The following SNX18 variants were observed in gnomAD, a reference collection of about 807,000 sequenced individuals.
SNX18 encodes the protein sorting nexin-18.
In SNX18, 35 loss-of-function variants were observed where a neutral mutation model predicts 48.7. The ratio of observed to expected loss-of-function variants is 0.72; its 90% confidence interval spans 0.55 to 0.95. The LOEUF (loss-of-function observed/expected upper bound fraction) is 0.95, where lower values mean the gene tolerates loss of function less well. SNX18 is among the 40% of genes least tolerant of loss of function. The pLI, the probability that SNX18 is intolerant of heterozygous loss-of-function variation, is 0.00. For synonymous variants in SNX18, 492 were observed against 384.7 expected (o/e 1.28, Z -3.26); for missense variants, 824 against 871.0 (o/e 0.95, Z 0.68).
chr5:54,604,017 G>C, the SNX18 span, among the ~76,000 whole-genome samples: 1 of 152,164 alleles, frequency 6.6e-6, no homozygotes, highest in African/African-American at 2.4e-5. Context: ...AAAACTTTTT[G>C]AGTGTCCATT....
At chr5:54,567,678 T>C in the SNX18 span, among the ~76,000 whole-genome samples, 3 of 152,220 alleles carry the variant, frequency 2.0e-5, no homozygotes, top group South Asian at 6.2e-4. Context: ...AGCACCCAAG[T>C]GTCTGCTGAT....
At chr5:54,607,189 C>T in the SNX18 span, among the ~76,000 whole-genome samples, 5 of 152,080 alleles carry the variant, frequency 3.3e-5, no homozygotes, top group African/African-American at 1.2e-4. Context: ...CATTTTGCCC[C>T]ACATCTGGGC....
At chr5:54,638,847 C>T in the SNX18 span, among the ~76,000 whole-genome samples, 3 of 152,118 alleles carry the variant, frequency 2.0e-5, no homozygotes, top group African/African-American at 7.2e-5. Context: ...CTGGCCACAC[C>T]CCTCCAGGGC....
chr5:54,638,957 A>C, the SNX18 span, among the ~76,000 whole-genome samples: 1 of 152,226 alleles, frequency 6.6e-6, no homozygotes, highest in Non-Finnish European at 1.5e-5. Context: ...AATTCTGCTC[A>C]GACATAAGGT....
At chr5:54,577,584 C>T in the SNX18 span, among the ~76,000 whole-genome samples, 2 of 151,978 alleles carry the variant, frequency 1.3e-5, no homozygotes, top group South Asian at 4.1e-4. Context: ...TATGGCAGAG[C>T]GAGGATTAGT....
At chr5:54,640,150 C>T in the SNX18 span, among the ~76,000 whole-genome samples, 1 of 152,058 alleles carries the variant, frequency 6.6e-6, no homozygotes, top group African/African-American at 2.4e-5. Flanking sequence ...CAAATACCTC[C>T]TTAAGCTACA....
chr5:54,607,528 T>C, the SNX18 span, among the ~76,000 whole-genome samples: 1 of 152,256 alleles, frequency 6.6e-6, no homozygotes, highest in Non-Finnish European at 1.5e-5. Context: ...TGGATATTTA[T>C]CCAATTTGTT....
Position 54,543,214 on chromosome 5 carries a change from G to A in SNX18, c.1657G>A (p.Val553Met), listed in dbSNP as rs911455532. ...CAAAGTCAAGGAGAGTAGGCGACAC[G>A]TGGAGGAAGGGAAGATGGAGGTGCA... is the stretch of plus-strand genomic sequence containing the variant. The part of the protein sequence containing the change: ...LTKVKESRRH[V>M]EEGKMEVQKA... The change falls in exon 2 of 2, where the codon GTG becomes ATG. Residue 553 changes from valine (V) to methionine (M), a missense_variant. By Grantham distance (21) the Val-to-Met change is conservative (BLOSUM62 1). Coordinates refer to ENST00000381410, the MANE Select transcript of SNX18 (RefSeq NM_001102575.2). The A allele has an allele frequency of 5.6e-6, 9 of 1,613,960 alleles. No individual in the cohort carries two copies. Among genetic ancestry groups the A allele is most frequent in the African/African-American group, 4.0e-5 (3 of 74,886 alleles).
the SNX18 span, among the ~76,000 whole-genome samples, chr5:54,595,573 A>G: frequency 1.3e-5 from 2 of 152,134 alleles, no homozygotes; most frequent in South Asian, 2.1e-4. Context: ...ACTACTTTCC[A>G]CAGTGGCTAA....
At chr5:54,574,682 G>C in the SNX18 span, among the ~76,000 whole-genome samples, 1 of 152,104 alleles carries the variant, frequency 6.6e-6, no homozygotes, top group African/African-American at 2.4e-5. Context: ...GGAAAGGAAG[G>C]GGGTGTGAGA....
the SNX18 span, among the ~76,000 whole-genome samples, chr5:54,647,184 A>T: frequency 6.6e-6 from 1 of 152,244 alleles, no homozygotes; most frequent in Non-Finnish European, 1.5e-5. Flanking sequence ...TTACATCTGT[A>T]TTTATTCAAT....
intron 1 of SNX18, among the ~76,000 whole-genome samples, chr5:54,540,096 A>G (rs1001558213): frequency 6.6e-6 from 1 of 152,284 alleles, no homozygotes; most frequent in East Asian, 1.9e-4. Flanking sequence ...AAGCTTGAAG[A>G]TATTACATGC....
At chr5:54,633,870 G>C in the SNX18 span, among the ~76,000 whole-genome samples, 1 of 152,302 alleles carries the variant, frequency 6.6e-6, no homozygotes, top group South Asian at 2.1e-4. Context: ...AAGGTGCTTT[G>C]CCTTCATGGA....
chr5:54,587,402 G>A, the SNX18 span, among the ~76,000 whole-genome samples: 20 of 152,068 alleles, frequency 1.3e-4, no homozygotes, highest in Non-Finnish European at 1.2e-4. Context: ...CCAAGGCAAA[G>A]ACATAATCTA....
chr5:54,578,792 C>T, the SNX18 span, among the ~76,000 whole-genome samples: 2 of 152,138 alleles, frequency 1.3e-5, no homozygotes. Flanking sequence ...CTTCTGTGAG[C>T]CTAAGGGATT....
chr5:54,539,173 G>A (rs182647168), intron 1 of SNX18, among the ~76,000 whole-genome samples: 4 of 152,202 alleles, frequency 2.6e-5, no homozygotes, highest in East Asian at 1.9e-4. Context: ...ACAGGTGTGC[G>A]TCACCACACC....
chr5:54,579,827 G>A, the SNX18 span, among the ~76,000 whole-genome samples: 178 of 152,306 alleles, frequency 1.2e-3, 1 homozygote, highest in Non-Finnish European at 1.8e-3. Flanking sequence ...ATATTGCAAA[G>A]TGCATTTTCC....
chr5:54,544,217 C>T lies in SNX18; in HGVS notation c.*785C>T, dbSNP rs1472996857. On this transcript the variant is annotated 3_prime_UTR_variant, in exon 2 of 2. Coordinates refer to ENST00000381410, the MANE Select transcript of SNX18 (RefSeq NM_001102575.2). ...TGCAACAGTAGCATAGCCTCTTCAC[C>T]CAGGCGTCCCAAAAGCTTGGCGTGA... is the stretch of plus-strand genomic sequence containing the variant. 1 of 152,032 alleles carries T rather than the reference C, an allele frequency of 6.6e-6. No homozygotes were observed. Among genetic ancestry groups the T allele is most frequent in the Admixed American group, 6.5e-5 (1 of 15,270 alleles). The allele number at this position is 152,032 out of a possible 1,614,324, so 9.4% of individuals were successfully genotyped here. A position where few individuals can be genotyped will look rare whatever the true frequency, so the allele number is the denominator to read the frequency against.
chr5:54,610,459 C>G, the SNX18 span, among the ~76,000 whole-genome samples: 1 of 152,206 alleles, frequency 6.6e-6, no homozygotes, highest in Non-Finnish European at 1.5e-5. Flanking sequence ...ACACAGCATC[C>G]TGGGCTGGCC....
Sources: allele counts gnomAD v4.1 joint callset (sites outside exome capture counted in the v4.1 genomes callset), GRCh38; gene constraint gnomAD v4.1.1; transcripts MANE v1.5; gene names NCBI Gene and HGNC (gene_info 2026-07-23, HGNC 2026-07-21).